CRYZL1: variants seen among roughly 807,000 people sequenced by gnomAD.
CRYZL1 encodes the protein ferry endosomal RAB5 effector complex subunit 4.
CRYZL1 carries 34 observed loss-of-function variants against 50.6 expected under a neutral mutation model. The observed-to-expected ratio is 0.67, with a 90% CI of 0.51 to 0.89. The LOEUF (loss-of-function observed/expected upper bound fraction) is 0.89, where lower values mean the gene tolerates loss of function less well. CRYZL1 is among the 40% of genes least tolerant of loss of function. The pLI, the probability that CRYZL1 is intolerant of heterozygous loss-of-function variation, is 0.00. For synonymous variants in CRYZL1, 125 were observed against 134.3 expected (o/e 0.93, Z 0.48); for missense variants, 354 against 402.3 (o/e 0.88, Z 1.03).
intron 7 of CRYZL1, among the ~76,000 whole-genome samples, chr21:33,602,766 G>A (rs1249996588): frequency 3.3e-5 from 5 of 152,146 alleles, no homozygotes; most frequent in Non-Finnish European, 5.9e-5. Context: ...GACCTATAGG[G>A]TAAGTTTGGG....
At chr21:33,604,547 AT>A (rs1193090445) in intron 6 of CRYZL1, among the ~76,000 whole-genome samples, 19 of 134,144 alleles carry the variant, frequency 1.4e-4, no homozygotes, top group African/African-American at 4.2e-4. Context: ...AAAAAAAAAA[AT>A]TTCATATTGC....
chr21:33,640,240 C>A, intron 1 of CRYZL1: 4 of 1,544,076 alleles, frequency 2.6e-6, no homozygotes, highest in Non-Finnish European at 3.5e-6. Context: ...ACAAGGCTGG[C>A]AGCTTTATCT....
intron 8 of CRYZL1, 42 bp downstream of exon 8, chr21:33,602,192 A>G (rs183954845): frequency 1.8e-6 from 2 of 1,116,824 alleles, no homozygotes; most frequent in African/African-American, 3.1e-5. Flanking sequence ...ATTTTCCTTC[A>G]AAATTTCCTG....
intron 7 of CRYZL1, among the ~76,000 whole-genome samples, chr21:33,602,570 C>G (rs1004886743): frequency 6.6e-6 from 1 of 152,168 alleles, no homozygotes; most frequent in African/African-American, 2.4e-5. Context: ...GCATGTCACA[C>G]GCTGTCACTC....
intron 6 of CRYZL1, 88 bp from the exon 7 acceptor site, chr21:33,603,625 C>T: frequency 2.0e-6 from 3 of 1,478,770 alleles, no homozygotes; most frequent in Non-Finnish European, 2.8e-6. Flanking sequence ...TCTAGTACTA[C>T]TATGGCCCTG....
intron 4 of CRYZL1, among the ~76,000 whole-genome samples, chr21:33,618,125 TA>T (rs1486721751): frequency 6.6e-6 from 1 of 151,232 alleles, no homozygotes; most frequent in Non-Finnish European, 1.5e-5. Context: ...CCATCTCTAC[TA>T]AAAATACAAA....
At chr21:33,638,363 C>T (rs976712427) in intron 1 of CRYZL1, among the ~76,000 whole-genome samples, 2 of 152,094 alleles carry the variant, frequency 1.3e-5, no homozygotes, top group Admixed American at 1.3e-4. Flanking sequence ...CAGGCGCACG[C>T]TACCACACCC....
intron 2 of CRYZL1, among the ~76,000 whole-genome samples, chr21:33,625,755 A>G (rs2087054800): frequency 1.3e-5 from 2 of 152,118 alleles, no homozygotes; most frequent in Non-Finnish European, 2.9e-5. Context: ...AAGTGCTGGG[A>G]TTAAAAGCAT....
At chr21:33,615,886 A>G (rs996464101) in intron 5 of CRYZL1, among the ~76,000 whole-genome samples, 12 of 152,190 alleles carry the variant, frequency 7.9e-5, no homozygotes, top group Non-Finnish European at 1.6e-4. Flanking sequence ...GCACTATAGC[A>G]ACTATGATTA....
At position 33,597,257 on chromosome 21, in the gene CRYZL1, C is replaced by T. The variant is rs375676725; in HGVS notation, c.798+23G>A. On this transcript the variant is annotated intron_variant, in intron 10 of 12. Coordinates refer to ENST00000381554, the MANE Select transcript of CRYZL1 (RefSeq NM_145858.3). ...TTACACCCCTTTGGTGTAATGGTAA[C>T]GCTTTATGGTTTCTGATAGTACCTG... 6.0e-5 allele frequency: 96 copies of T among 1,610,426 alleles called. No individual in the cohort carries two copies. In the African/African-American group the frequency reaches 7.8e-4, roughly 13 times the overall value.
chr21:33,623,435 C>T (rs1425705854), intron 3 of CRYZL1, among the ~76,000 whole-genome samples: 2 of 152,144 alleles, frequency 1.3e-5, no homozygotes, highest in African/African-American at 4.8e-5. Flanking sequence ...CTATAATTTA[C>T]TATTTATTTC....
chr21:33,595,072 G>C, intron 11 of CRYZL1: 1 of 618,770 alleles, frequency 1.6e-6, no homozygotes, highest in East Asian at 1.2e-4. Flanking sequence ...GAAATAAAAG[G>C]AATTCTTAAG....
chr21:33,618,018 G>A (rs1021139001), intron 4 of CRYZL1, among the ~76,000 whole-genome samples: 18 of 152,054 alleles, frequency 1.2e-4, no homozygotes, highest in East Asian at 9.6e-4. Flanking sequence ...GGCCGGGCGC[G>A]GTGGCTCACG....
intron 9 of CRYZL1, 31 bp from the exon 10 acceptor site, chr21:33,597,432 G>A (rs758635516): frequency 6.9e-7 from 1 of 1,456,122 alleles, no homozygotes; most frequent in Admixed American, 1.8e-5. Flanking sequence ...AAAAAAGAGA[G>A]AGAGAAGAAA....
At chr21:33,637,474 T>G (rs1218891008) in intron 1 of CRYZL1, among the ~76,000 whole-genome samples, 2 of 150,132 alleles carry the variant, frequency 1.3e-5, no homozygotes, top group Admixed American at 6.7e-5. Flanking sequence ...GTACCTTAGA[T>G]CCATCCCATC....
Position 33,591,380 on chromosome 21 carries a change from G to A in CRYZL1, c.905-173C>T, listed in dbSNP as rs1279570451. The stretch of plus-strand genomic sequence containing the variant: ...GGACGTCAAGTTTAGCTCTACAACA[G>A]GGAAATGATTTGAGAGTTGGTGGTG... On this transcript the variant is annotated intron_variant, in intron 11 of 12. Transcript: ENST00000381554. 5 of 613,604 alleles carry A rather than the reference G, an allele frequency of 8.1e-6. No individual in the cohort carries two copies. In the East Asian group the frequency reaches 1.1e-4, roughly 13 times the overall value. The allele number at this position is 613,604 out of a possible 1,614,324, so 38.0% of individuals were successfully genotyped here. A position where few individuals can be genotyped will look rare whatever the true frequency, so the allele number is the denominator to read the frequency against.
At chr21:33,595,088 CCTACT>C (rs1251527758) in intron 11 of CRYZL1, 11 of 770,322 alleles carry the variant, frequency 1.4e-5, no homozygotes, top group South Asian at 4.7e-5. Flanking sequence ...TTAAGTTGAC[CCTACT>C]CTAAAGAGGT....
intron 4 of CRYZL1, 159 bp from the exon 5 acceptor site, chr21:33,616,909 T>C: frequency 1.7e-6 from 1 of 581,322 alleles, no homozygotes; most frequent in African/African-American, 1.9e-5. Flanking sequence ...TGATGGTCTG[T>C]AAAGACTACA....
intron 10 of CRYZL1, among the ~76,000 whole-genome samples, chr21:33,596,896 T>G (rs2086700032): frequency 6.6e-6 from 1 of 151,070 alleles, no homozygotes; most frequent in Non-Finnish European, 1.5e-5. Context: ...AGAGTCTCAC[T>G]CTGTGACCCA....
Sources: allele counts gnomAD v4.1 joint callset (sites outside exome capture counted in the v4.1 genomes callset), GRCh38; gene constraint gnomAD v4.1.1; transcripts MANE v1.5; gene names NCBI Gene and HGNC (gene_info 2026-07-23, HGNC 2026-07-21).